The following PCSK2 variants were observed in gnomAD, a reference collection of about 807,000 sequenced individuals.
The protein encoded by PCSK2 is proprotein convertase subtilisin/kexin type 2.
In PCSK2, 14 loss-of-function variants were observed where a neutral mutation model predicts 69.7. The ratio of observed to expected loss-of-function variants is 0.20; its 90% CI spans 0.13 to 0.31. The LOEUF is 0.31. Ranked by LOEUF, PCSK2 falls within the 10% of genes least tolerant of loss-of-function variation. The probability of loss-of-function intolerance (pLI) is 1.00; values close to 1 mark genes in which losing one functional copy is unlikely to be tolerated. For synonymous variants in PCSK2, 307 were observed against 320.7 expected (o/e 0.96, Z 0.46); for missense variants, 544 against 842.5 (o/e 0.65, Z 4.39).
At chr20:17,299,658 T>C (rs1989011763) in intron 2 of PCSK2, among the ~76,000 whole-genome samples, 1 of 152,080 alleles carries the variant, frequency 6.6e-6, no homozygotes, top group Non-Finnish European at 1.5e-5. Flanking sequence ...CAATTTTTAT[T>C]TCTTTATTGT....
intron 2 of PCSK2, among the ~76,000 whole-genome samples, chr20:17,339,454 C>T (rs1990446811): frequency 7.6e-6 from 1 of 131,980 alleles, no homozygotes; most frequent in African/African-American, 3.2e-5. Flanking sequence ...CATTGCAGGC[C>T]CAGCCCATGT....
At chr20:17,274,602 C>A (rs1211362634) in intron 2 of PCSK2, among the ~76,000 whole-genome samples, 1 of 151,862 alleles carries the variant, frequency 6.6e-6, no homozygotes, top group African/African-American at 2.4e-5. Context: ...GAGAGAGAGG[C>A]CAAGGAGCAC....
At chr20:17,319,585 G>C (rs978015456) in intron 2 of PCSK2, among the ~76,000 whole-genome samples, 11 of 152,030 alleles carry the variant, frequency 7.2e-5, no homozygotes, top group Non-Finnish European at 1.2e-4. Flanking sequence ...TCAAGCATCT[G>C]CTTATAGCAT....
At position 17,453,733 on chromosome 20, in the gene PCSK2, T is replaced by C. The variant is rs1320247122; in HGVS notation, c.886-9T>C. 2 of 1,612,130 alleles carry C rather than the reference T, an allele frequency of 1.2e-6. No individual in the cohort carries two copies. Among genetic ancestry groups the C allele is most frequent in the Non-Finnish European group, 1.7e-6 (2 of 1,179,760 alleles). The stretch of plus-strand genomic sequence containing the variant: ...TGGGTAGCGGCAGCGTCTCCCCTGC[T>C]CTCCCCAGGGCCGCGGCGGCAAAGG... On this transcript the variant is annotated splice_polypyrimidine_tract_variant and intron_variant, in intron 8 of 11. Coordinates refer to ENST00000262545, the MANE Select transcript of PCSK2 (RefSeq NM_002594.5). This position sits in a 1 kb window ranked among gnomAD's most constrained non-coding sequence, Gnocchi z 4.0.
chr20:17,475,149 C>T (rs2033269871), intron 11 of PCSK2, among the ~76,000 whole-genome samples: 1 of 151,952 alleles, frequency 6.6e-6, no homozygotes, highest in Non-Finnish European at 1.5e-5. Context: ...TGGCCTGACC[C>T]ACCGGGGGCT....
At chr20:17,383,074 G>T (rs34490375) in intron 5 of PCSK2, among the ~76,000 whole-genome samples, 18,417 of 152,188 alleles carry the variant, frequency 0.12, 1,184 homozygotes, top group African/African-American at 0.14. Context: ...GACCTGTCTT[G>T]TTCACCTCTT....
intron 5 of PCSK2, among the ~76,000 whole-genome samples, chr20:17,408,525 C>T (rs918418170): frequency 3.3e-5 from 5 of 152,130 alleles, no homozygotes; most frequent in Non-Finnish European, 7.4e-5. Context: ...TGACCATATG[C>T]TGTAGGGCAT....
At chr20:17,248,116 C>A (rs1483539869) in intron 1 of PCSK2, among the ~76,000 whole-genome samples, 1 of 151,416 alleles carries the variant, frequency 6.6e-6, no homozygotes, top group Non-Finnish European at 1.5e-5. Flanking sequence ...TCTTTTTCTC[C>A]TTCCTTCTGG....
At chr20:17,403,317 CT>C (rs1479976937) in intron 5 of PCSK2, among the ~76,000 whole-genome samples, 1 of 152,184 alleles carries the variant, frequency 6.6e-6, no homozygotes, top group Middle Eastern at 3.2e-3. Context: ...ACATAAATCC[CT>C]TTAATGTTCG....
At chr20:17,226,273 G>A (rs1183637572), upstream of PCSK2, 1 of 152,180 alleles carries the variant, frequency 6.6e-6, no homozygotes, top group East Asian at 1.9e-4. Context: ...GGGCGAGCCG[G>A]GTCTCCTGCT....
chr20:17,449,488 TTACATATATATAAATA>T (rs905779017), intron 8 of PCSK2, among the ~76,000 whole-genome samples: 3 of 97,030 alleles, frequency 3.1e-5, no homozygotes, highest in South Asian at 5.0e-4. Flanking sequence ...TGGGATAATG[TTACATATATATAAATA>T]TACATATATA....
At chr20:17,473,175 C>A (rs2033235387) in intron 11 of PCSK2, among the ~76,000 whole-genome samples, 1 of 146,588 alleles carries the variant, frequency 6.8e-6, no homozygotes, top group South Asian at 2.2e-4. Flanking sequence ...CTCACTGCAA[C>A]CTCCGCCTCC....
intron 5 of PCSK2, among the ~76,000 whole-genome samples, chr20:17,384,424 C>CTAAA (rs1568627621): frequency 1.3e-5 from 1 of 76,252 alleles, no homozygotes; most frequent in Non-Finnish European, 3.3e-5. Context: ...TCCATATCTA[C>CTAAA]CAAAAAAAAA....
chr20:17,402,620 C>T (rs2031663842), intron 5 of PCSK2, among the ~76,000 whole-genome samples: 1 of 150,322 alleles, frequency 6.7e-6, no homozygotes, highest in Non-Finnish European at 1.5e-5. Flanking sequence ...GAGATTATGC[C>T]CCCGCACTCA....
intron 1 of PCSK2, among the ~76,000 whole-genome samples, chr20:17,245,241 A>C (rs1193699731): frequency 6.6e-6 from 1 of 152,196 alleles, no homozygotes; most frequent in African/African-American, 2.4e-5. Context: ...ACCTGCTTTA[A>C]AAAAATGGAA....
At chr20:17,292,867 C>A (rs1429858251) in intron 2 of PCSK2, among the ~76,000 whole-genome samples, 1 of 151,978 alleles carries the variant, frequency 6.6e-6, no homozygotes, top group Non-Finnish European at 1.5e-5. Flanking sequence ...CTTTGGGGCC[C>A]AGGCTGGAGT....
At chr20:17,477,815 GGTTAA>G (rs561494041) in intron 11 of PCSK2, among the ~76,000 whole-genome samples, 293 of 152,200 alleles carry the variant, frequency 1.9e-3, no homozygotes, top group African/African-American at 5.7e-3. Context: ...TTGTGTGCAG[GGTTAA>G]GTAGCAGATT....
intron 2 of PCSK2, among the ~76,000 whole-genome samples, chr20:17,294,271 A>ATT (rs11483900): frequency 2.9e-4 from 43 of 147,576 alleles, no homozygotes; most frequent in Non-Finnish European, 1.3e-4. Flanking sequence ...CGCCCGGCTA[A>ATT]TTTTTTTTGT....
intron 2 of PCSK2, among the ~76,000 whole-genome samples, chr20:17,260,749 G>A (rs566791600): frequency 2.6e-5 from 4 of 152,264 alleles, no homozygotes; most frequent in African/African-American, 7.2e-5. Flanking sequence ...CATGCCCCAC[G>A]TTGTGAACGG....
Sources: gnomAD v4.1 joint callset for allele counts (sites outside exome capture counted in the v4.1 genomes callset) on GRCh38, gnomAD v4.1.1 for gene constraint, Gnocchi (gnomAD v3.1) non-coding constraint, MANE v1.5 for transcripts, NCBI Gene and HGNC (gene_info 2026-07-23, HGNC 2026-07-21) for gene names.